The following CACNA1C variants were observed in gnomAD, a reference collection of about 807,000 sequenced individuals.
The protein encoded by CACNA1C is calcium voltage-gated channel subunit alpha1 C.
A neutral mutation model predicts 229.0 loss-of-function variants in CACNA1C; 30 were observed. The ratio of observed to expected loss-of-function variants is 0.13; its 90% confidence interval spans 0.10 to 0.18. The LOEUF (loss-of-function observed/expected upper bound fraction) is 0.18, where lower values mean the gene tolerates loss of function less well. CACNA1C is among the 10% of genes least tolerant of loss of function. The pLI is 1.00. For missense variants in CACNA1C, 1,658 were observed against 2,845.0 expected (o/e 0.58, Z 9.49); for synonymous variants, 1,114 against 1,132.5 (o/e 0.98, Z 0.33).
intron 3 of CACNA1C, among the ~76,000 whole-genome samples, chr12:2,374,540 G>A (rs1361684688): frequency 6.6e-6 from 1 of 152,236 alleles, no homozygotes; most frequent in Non-Finnish European, 1.5e-5. Context: ...AGGCCTCAGG[G>A]TGGGAACTCA....
chr12:2,492,606 C>T (rs1390410015), intron 6 of CACNA1C, among the ~76,000 whole-genome samples: 1 of 152,244 alleles, frequency 6.6e-6, no homozygotes, highest in Non-Finnish European at 1.5e-5. Flanking sequence ...TGTAAGGCTT[C>T]ACTGTAAAGT....
chr12:1,999,706 A>C (rs896844244), intron 1 of CACNA1C, among the ~76,000 whole-genome samples: 3 of 152,220 alleles, frequency 2.0e-5, no homozygotes, highest in African/African-American at 7.2e-5. Context: ...AGCCTGGGCA[A>C]CAGAGGGAGA....
chr12:2,048,100 G>A (rs896901142), upstream of CACNA1C, among the ~76,000 whole-genome samples: 1 of 152,172 alleles, frequency 6.6e-6, no homozygotes, highest in Non-Finnish European at 1.5e-5. Flanking sequence ...CCAGCAATTC[G>A]GTGACAATGA....
At position 2,689,374 on chromosome 12, in the gene CACNA1C, A is replaced by G. The variant is rs1250558403; in HGVS notation, c.6117+595A>G. Among the ~76,000 whole-genome samples the G allele has an allele frequency of 1.3e-5, 2 of 151,982 alleles. No homozygotes were observed. Among genetic ancestry groups the G allele is most frequent in the Non-Finnish European group, 2.9e-5 (2 of 67,944 alleles). On this transcript the variant is annotated intron_variant, in intron 46 of 46. Transcript: ENST00000399655. The surrounding 1 kb of genome is among the most constrained non-coding windows in gnomAD (Gnocchi z 4.2). ...GCAAGGTTCCTAGAAACCATTTCCT[A>G]GGAGAACCGTTTCAGGGAATTCGGG...
chr12:2,273,101 G>T (rs527994161), intron 3 of CACNA1C, among the ~76,000 whole-genome samples: 1 of 152,216 alleles, frequency 6.6e-6, no homozygotes, highest in East Asian at 1.9e-4. Flanking sequence ...TTGGTTCCAG[G>T]ACTCCCCAAC....
chr12:2,262,547 C>T (rs538893538), intron 3 of CACNA1C, among the ~76,000 whole-genome samples: 1 of 152,236 alleles, frequency 6.6e-6, no homozygotes, highest in South Asian at 2.1e-4. Context: ...CAATGAAATG[C>T]AGGGAGCCAG....
chr12:2,274,028 G>A (rs889320438), intron 3 of CACNA1C, among the ~76,000 whole-genome samples: 1 of 152,354 alleles, frequency 6.6e-6, no homozygotes, highest in Non-Finnish European at 1.5e-5. Flanking sequence ...CGCGGCAGGA[G>A]CTATCCTGGC....
intron 5 of CACNA1C, among the ~76,000 whole-genome samples, chr12:2,476,414 T>C (rs1303753508): frequency 1.3e-5 from 2 of 152,240 alleles, no homozygotes; most frequent in East Asian, 3.8e-4. Flanking sequence ...CTGTCTTACC[T>C]AAGCCTCATT....
intron 5 of CACNA1C, among the ~76,000 whole-genome samples, chr12:2,472,050 TCA>T (rs2099596357): frequency 6.6e-6 from 1 of 152,222 alleles, no homozygotes; most frequent in African/African-American, 2.4e-5. Flanking sequence ...ATTTTCTCTC[TCA>T]GTTTTCAGCA....
chr12:2,456,299 T>C (rs2099417931), intron 4 of CACNA1C, among the ~76,000 whole-genome samples: 1 of 152,222 alleles, frequency 6.6e-6, no homozygotes, highest in Non-Finnish European at 1.5e-5. Flanking sequence ...AGCCACCCAG[T>C]GTCTCGCGCC....
intron 3 of CACNA1C, among the ~76,000 whole-genome samples, chr12:2,246,372 G>T (rs561943693): frequency 6.6e-6 from 1 of 152,290 alleles, no homozygotes; most frequent in Non-Finnish European, 1.5e-5. Context: ...TGAATAGGAG[G>T]CTGTAGTAAG....
Position 2,581,598 on chromosome 12 carries a change from A to G in CACNA1C, c.1904A>G (p.Asn635Ser). ...CTCCTGTTGGCTCTCAGGTACTGGAACTCCTTGAGCAACCTGGTGGCATCC... is the reference window on the plus strand; with the variant it reads ...CTCCTGTTGGCTCTCAGGTACTGGAGCTCCTTGAGCAACCTGGTGGCATCC... ...LRIFKITRYW[N>S]SLSNLVASLL... The change falls in exon 14 of 47, where the codon AAC (asparagine) becomes AGC (serine). Residue 635 changes from asparagine (N) to serine (S), a missense_variant. By Grantham distance (46) the Asn-to-Ser change is conservative. Coordinates refer to ENST00000399655, the MANE Select transcript of CACNA1C (RefSeq NM_000719.7). 1 of 1,559,934 alleles carries G rather than the reference A, an allele frequency of 6.4e-7. No individual in the cohort carries two copies. The highest frequency in any genetic ancestry group is 8.7e-7 in the Non-Finnish European group (1 of 1,151,130).
intron 3 of CACNA1C, among the ~76,000 whole-genome samples, chr12:2,345,988 C>T (rs537988917): frequency 4.6e-5 from 7 of 152,304 alleles, no homozygotes; most frequent in South Asian, 2.1e-4. Flanking sequence ...TCACCTCTGA[C>T]GCCCGGGCTT....
At position 2,585,755 on chromosome 12, in the gene CACNA1C, C is replaced by G. The variant is rs985859966; in HGVS notation, c.2461-80C>G. ...TTGAGCTAAGTCACTGACTAAAATGCAACTTCAAGGCTACTGCAAGCCTCT... is the reference window on the plus strand; with the variant it reads ...TTGAGCTAAGTCACTGACTAAAATGGAACTTCAAGGCTACTGCAAGCCTCT... On this transcript the variant is annotated intron_variant, in intron 17 of 46. Coordinates refer to ENST00000399655, the MANE Select transcript of CACNA1C (RefSeq NM_000719.7). The surrounding 1 kb of genome is among the most constrained non-coding windows in gnomAD (Gnocchi z 4.1). The G allele has an allele frequency of 9.0e-7, 1 of 1,107,368 alleles. No homozygotes were observed. The highest frequency in any genetic ancestry group is 1.4e-6 in the Non-Finnish European group (1 of 739,546). The allele number at this position is 1,107,368 out of a possible 1,614,324, so 68.6% of individuals were successfully genotyped here.
At chr12:2,604,566 G>C (rs1336921427) in intron 22 of CACNA1C, among the ~76,000 whole-genome samples, 1 of 152,182 alleles carries the variant, frequency 6.6e-6, no homozygotes, top group Non-Finnish European at 1.5e-5. Context: ...TCATGAGCAG[G>C]TACCATTCAG....
At chr12:2,514,691 A>G (rs929065286) in intron 9 of CACNA1C, among the ~76,000 whole-genome samples, 1 of 152,120 alleles carries the variant, frequency 6.6e-6, no homozygotes, top group Non-Finnish European at 1.5e-5. Flanking sequence ...GGTGATGAGC[A>G]TTTCTGTAGC....
chr12:2,328,107 G>A (rs10848646), intron 3 of CACNA1C, among the ~76,000 whole-genome samples: 33,698 of 152,144 alleles, frequency 0.22, 5,924 homozygotes, highest in African/African-American at 0.49. Flanking sequence ...CTGTCAAAGC[G>A]GCAAGGCTGC....
At chr12:2,105,341 G>A (rs1344614426) in intron 1 of CACNA1C, among the ~76,000 whole-genome samples, 2 of 152,186 alleles carry the variant, frequency 1.3e-5, no homozygotes, top group East Asian at 1.9e-4. Flanking sequence ...GGAGAGAGCC[G>A]CAGATCTCCT....
chr12:2,335,962 A>G (rs1593191238), intron 3 of CACNA1C, among the ~76,000 whole-genome samples: 1 of 151,862 alleles, frequency 6.6e-6, no homozygotes, highest in African/African-American at 2.4e-5. Flanking sequence ...TAATGGAAAA[A>G]GCTATAAAAT....
Sources: gnomAD v4.1 joint callset for allele counts (sites outside exome capture counted in the v4.1 genomes callset) on GRCh38, gnomAD v4.1.1 for gene constraint, Gnocchi (gnomAD v3.1) non-coding constraint, MANE v1.5 for transcripts, NCBI Gene and HGNC (gene_info 2026-07-23, HGNC 2026-07-21) for gene names.